RBFOX1: variants seen among roughly 807,000 people sequenced by gnomAD.
The protein encoded by RBFOX1 is RNA binding protein fox-1 homolog 1.
Under a neutral mutation model 57.7 loss-of-function variants are expected in RBFOX1, and 8 were observed. The observed-to-expected ratio is 0.14, with a 90% confidence interval of 0.08 to 0.25. RBFOX1 has a LOEUF of 0.25. RBFOX1 is among the 10% of genes least tolerant of loss of function. The pLI, the probability that RBFOX1 is intolerant of heterozygous loss-of-function variation, is 1.00. For synonymous variants in RBFOX1, 326 were observed against 222.4 expected (o/e 1.47, Z -4.15); for missense variants, 611 against 548.5 (o/e 1.11, Z -1.14).
chr16:7,074,223 C>G (rs1160008879), intron 4 of RBFOX1, among the ~76,000 whole-genome samples: 3 of 152,184 alleles, frequency 2.0e-5, no homozygotes, highest in Admixed American at 6.5e-5. Context: ...TTTGAAATAA[C>G]TGTTTGAAAT....
intron 1 of RBFOX1, among the ~76,000 whole-genome samples, chr16:5,349,029 C>T: frequency 6.6e-6 from 1 of 152,114 alleles, no homozygotes; most frequent in East Asian, 1.9e-4. Context: ...TTTTACAATC[C>T]CATCCAAAAT....
intron 4 of RBFOX1, among the ~76,000 whole-genome samples, chr16:7,299,237 GATTTT>G (rs2095972463): frequency 6.6e-6 from 1 of 152,108 alleles, no homozygotes; most frequent in Non-Finnish European, 1.5e-5. Flanking sequence ...TTCGTTATTT[GATTTT>G]ATTTGTTAAC....
chr16:5,993,374 T>A (rs2060436199), intron 4 of RBFOX1, among the ~76,000 whole-genome samples: 1 of 34,590 alleles, frequency 2.9e-5, no homozygotes, highest in Middle Eastern at 0.017. Flanking sequence ...TGTGTGTGTG[T>A]GTGTGTGTGT....
intron 4 of RBFOX1, among the ~76,000 whole-genome samples, chr16:7,070,619 T>C (rs2057133401): frequency 6.6e-6 from 1 of 152,232 alleles, no homozygotes; most frequent in Non-Finnish European, 1.5e-5. Context: ...TAACCTGGGT[T>C]TGCTTATTTG....
intron 7 of RBFOX1, among the ~76,000 whole-genome samples, chr16:7,587,556 A>G (rs2094196272): frequency 6.6e-6 from 1 of 152,220 alleles, no homozygotes; most frequent in South Asian, 2.1e-4. Context: ...CATGCTTAAA[A>G]AAATAATGAT....
intron 4 of RBFOX1, among the ~76,000 whole-genome samples, chr16:5,881,646 C>T (rs1231047336): frequency 6.6e-6 from 1 of 152,054 alleles, no homozygotes; most frequent in Non-Finnish European, 1.5e-5. Context: ...TACCGCTGCA[C>T]TCCAGCCTGG....
chr16:6,818,389 A>C (rs949338935), intron 3 of RBFOX1, among the ~76,000 whole-genome samples: 1 of 152,182 alleles, frequency 6.6e-6, no homozygotes, highest in Non-Finnish European at 1.5e-5. Context: ...CAAGTTTAGA[A>C]GAAATGAACT....
chr16:6,379,737 C>CAG lies in RBFOX1; in HGVS notation c.-64+62684_-64+62685dup, dbSNP rs929683642. Among the ~76,000 whole-genome samples, 27 of 150,842 alleles carry CAG rather than the reference C, an allele frequency of 1.8e-4. 1 individual carries two copies. Among genetic ancestry groups the CAG allele is most frequent in the Admixed American group, 1.6e-3 (24 of 15,182 alleles). ...TGTAATCATGATGGTGGGAATATGC[C>CAG]AGAGACAGGTGGCTTTGAGGAGAAA... is the stretch of plus-strand genomic sequence containing the variant. On this transcript the variant is annotated intron_variant, in intron 2 of 15. Transcript: ENST00000550418.
chr16:7,518,510 C>A (rs1010050383), intron 5 of RBFOX1, 121 bp downstream of exon 5: 14 of 1,329,266 alleles, frequency 1.1e-5, no homozygotes, highest in Middle Eastern at 2.1e-4. Context: ...AGTCCCTAAG[C>A]CCACCCTCAT....
intron 2 of RBFOX1, among the ~76,000 whole-genome samples, chr16:5,550,714 G>A (rs908308726): frequency 6.6e-6 from 1 of 152,108 alleles, no homozygotes; most frequent in African/African-American, 2.4e-5. Context: ...TTTATATTCT[G>A]GAGACTCAGA....
intron 3 of RBFOX1, among the ~76,000 whole-genome samples, chr16:6,921,915 G>C (rs897915106): frequency 6.6e-6 from 1 of 152,138 alleles, no homozygotes; most frequent in African/African-American, 2.4e-5. Flanking sequence ...AACACAGGAA[G>C]TCAGGGATCA....
rs1214727380 is a variant in RBFOX1 at position 6,780,466 on chromosome 16, TTA to T, written c.-16+125821_-16+125822del. ...TTTATATATACATTTTTATATATAT[TTA>T]TATACATTTTTATATATATTTATAT... On this transcript the variant is annotated intron_variant, in intron 3 of 15. Coordinates refer to ENST00000550418, the MANE Select transcript of RBFOX1 (RefSeq NM_018723.4). Among the ~76,000 whole-genome samples the T allele has an allele frequency of 2.3e-3, 222 of 96,494 alleles. 3 individuals are homozygous for T. Among genetic ancestry groups the T allele is most frequent in the African/African-American group, 4.9e-3 (111 of 22,544 alleles). 63.3% of individuals were successfully genotyped at this position (96,494 alleles called of 152,430 possible). A position where few individuals can be genotyped will look rare whatever the true frequency, so the allele number is the denominator to read the frequency against.
chr16:6,140,834 G>A (rs2096710097), intron 1 of RBFOX1, among the ~76,000 whole-genome samples: 1 of 152,152 alleles, frequency 6.6e-6, no homozygotes, highest in African/African-American at 2.4e-5. Flanking sequence ...AGAGCAATCT[G>A]TGGTTTGGTT....
At chr16:7,420,656 G>C (rs575512180) in intron 4 of RBFOX1, among the ~76,000 whole-genome samples, 50 of 151,488 alleles carry the variant, frequency 3.3e-4, no homozygotes, top group Non-Finnish European at 5.3e-4. Flanking sequence ...CATGCTGCCA[G>C]GTTGAATGTT....
intron 14 of RBFOX1, among the ~76,000 whole-genome samples, chr16:7,687,987 G>A (rs1386981877): frequency 6.6e-6 from 1 of 151,910 alleles, no homozygotes; most frequent in African/African-American, 2.4e-5. Context: ...CCTGGTCATT[G>A]GTATTTTATT....
intron 14 of RBFOX1, among the ~76,000 whole-genome samples, chr16:7,679,582 A>T (rs2074228223): frequency 6.6e-6 from 1 of 152,220 alleles, no homozygotes; most frequent in Non-Finnish European, 1.5e-5. Context: ...AAGAAGTTTG[A>T]TGTCCCCAGT....
At chr16:6,242,199 C>T (rs562685394) in intron 1 of RBFOX1, among the ~76,000 whole-genome samples, 1 of 151,932 alleles carries the variant, frequency 6.6e-6, no homozygotes, top group Non-Finnish European at 1.5e-5. Flanking sequence ...ATATAGTTAT[C>T]AGTACTATAA....
rs2098042971 is a variant in RBFOX1, at chr16:7,392,255, G to T, written c.28-125892G>T. Among the ~76,000 whole-genome samples, 3 of 152,070 alleles carry T rather than the reference G, an allele frequency of 2.0e-5. No homozygotes were observed. The South Asian group carries it at 6.2e-4, about 32-fold the overall frequency. ...AGCCCTCCCTCCCTGAATCCTCTAG[G>T]TTGGACAACTTTCCCCTGTAGTCCC... On this transcript the variant is annotated intron_variant, in intron 4 of 15. Coordinates refer to ENST00000550418, the MANE Select transcript of RBFOX1 (RefSeq NM_018723.4).
At chr16:6,343,434 T>G (rs1017852395) in intron 2 of RBFOX1, among the ~76,000 whole-genome samples, 32 of 152,228 alleles carry the variant, frequency 2.1e-4, no homozygotes, top group African/African-American at 7.0e-4. Context: ...GGGAAGTTCT[T>G]TCTACATTGA....
Sources: allele counts gnomAD v4.1 joint callset (sites outside exome capture counted in the v4.1 genomes callset), GRCh38; gene constraint gnomAD v4.1.1; transcripts MANE v1.5; gene names NCBI Gene and HGNC (gene_info 2026-07-23, HGNC 2026-07-21).